The following KIAA1217 variants were observed in gnomAD, a reference collection of about 807,000 sequenced individuals.
KIAA1217 encodes the protein KIAA1217.
In KIAA1217, 88 loss-of-function variants were observed where a neutral mutation model predicts 163.9. The observed-to-expected ratio is 0.54, with a 90% CI of 0.45 to 0.64. The LOEUF (loss-of-function observed/expected upper bound fraction) is 0.64, where lower values mean the gene tolerates loss of function less well. Ranked by LOEUF, KIAA1217 falls within the 30% of genes least tolerant of loss-of-function variation. The pLI, the probability that KIAA1217 is intolerant of heterozygous loss-of-function variation, is 0.00. For missense variants in KIAA1217, 2,372 were observed against 2,475.0 expected (o/e 0.96, Z 0.88); for synonymous variants, 903 against 923.1 (o/e 0.98, Z 0.39).
chr10:24,244,013 G>T (rs1192647868), intron 2 of KIAA1217, among the ~76,000 whole-genome samples: 1 of 152,170 alleles, frequency 6.6e-6, no homozygotes, highest in Non-Finnish European at 1.5e-5. Context: ...GAAGTCTCCT[G>T]CCTGGATTCG....
chr10:24,495,865 A>G (rs983234191), intron 8 of KIAA1217, among the ~76,000 whole-genome samples: 4 of 152,208 alleles, frequency 2.6e-5, no homozygotes, highest in Non-Finnish European at 5.9e-5. Flanking sequence ...ATGACAGATG[A>G]CAAGGCCTGC....
intron 2 of KIAA1217, among the ~76,000 whole-genome samples, chr10:24,053,888 G>A (rs1035206254): frequency 6.6e-6 from 1 of 152,148 alleles, no homozygotes; most frequent in African/African-American, 2.4e-5. Flanking sequence ...GAGAAAGGAA[G>A]CATCATAATA....
chr10:23,812,578 A>C (rs1272792365), intron 1 of KIAA1217, among the ~76,000 whole-genome samples: 1 of 152,178 alleles, frequency 6.6e-6, no homozygotes, highest in African/African-American at 2.4e-5. Context: ...ACAATTCAGT[A>C]GTTTTTGGTG....
intron 1 of KIAA1217, among the ~76,000 whole-genome samples, chr10:23,737,340 A>G (rs1201061965): frequency 6.6e-6 from 1 of 151,752 alleles, no homozygotes; most frequent in African/African-American, 2.4e-5. Context: ...CTGGGACTAC[A>G]GGTGCGCACC....
intron 1 of KIAA1217, among the ~76,000 whole-genome samples, chr10:23,918,339 G>A (rs923243843): frequency 6.6e-6 from 1 of 151,992 alleles, no homozygotes; most frequent in African/African-American, 2.4e-5. Context: ...CAAAACAAGA[G>A]GCTAATGAGA....
chr10:24,307,772 C>T (rs1002337185), intron 2 of KIAA1217, among the ~76,000 whole-genome samples: 1 of 152,064 alleles, frequency 6.6e-6, no homozygotes, highest in Non-Finnish European at 1.5e-5. Context: ...CAGAGTGAGA[C>T]CTTGTCTCAA....
chr10:23,878,635 G>A (rs1163999558), intron 1 of KIAA1217, among the ~76,000 whole-genome samples: 2 of 151,904 alleles, frequency 1.3e-5, no homozygotes, highest in Non-Finnish European at 2.9e-5. Context: ...GCAGTGATGA[G>A]GAGAGGGTGC....
chr10:24,324,361 GT>G (rs1412336214), intron 2 of KIAA1217, among the ~76,000 whole-genome samples: 1 of 152,142 alleles, frequency 6.6e-6, no homozygotes, highest in African/African-American at 2.4e-5. Context: ...GAGGTCAGGA[GT>G]TTAAGACCAG....
At chr10:24,528,269 C>T in intron 14 of KIAA1217, 150 bp downstream of exon 14, 1 of 610,582 alleles carries the variant, frequency 1.6e-6, no homozygotes, top group South Asian at 2.6e-5. Context: ...AGCAAATCCT[C>T]TGGTGTTCCT....
chr10:23,953,958 G>C (rs1435751758), intron 1 of KIAA1217, among the ~76,000 whole-genome samples: 1 of 152,060 alleles, frequency 6.6e-6, no homozygotes, highest in African/African-American at 2.4e-5. Flanking sequence ...ACAATTTCTA[G>C]AGTATCAAGA....
In KIAA1217 at chr10:24,041,958, G is replaced by A. The variant is rs575745519; in HGVS notation, c.-171+34584G>A. On this transcript the variant is annotated intron_variant, in intron 2 of 18. Transcript: ENST00000376462. ...AAGGGAGTATCGTGTGTGTGTGTGT[G>A]TGTGCGTTTCATATTCCCTATTGCA... 2.0e-5 allele frequency among the ~76,000 whole-genome samples: 3 copies of A among 152,180 alleles called. No individual in the cohort carries two copies. In the East Asian group the frequency reaches 5.8e-4, roughly 29 times the overall value.
At chr10:23,987,752 C>G (rs1230285918) in intron 1 of KIAA1217, among the ~76,000 whole-genome samples, 2 of 152,114 alleles carry the variant, frequency 1.3e-5, no homozygotes, top group Non-Finnish European at 2.9e-5. Flanking sequence ...GTATTCCTAT[C>G]TAGCTGCAAG....
At chr10:24,082,133 T>C (rs1204964182) in intron 2 of KIAA1217, among the ~76,000 whole-genome samples, 4 of 152,222 alleles carry the variant, frequency 2.6e-5, no homozygotes, top group Admixed American at 2.0e-4. Context: ...TGGTTAGGAA[T>C]GACTGATGGC....
chr10:24,287,027 G>A (rs2078608807), intron 2 of KIAA1217, among the ~76,000 whole-genome samples: 1 of 152,038 alleles, frequency 6.6e-6, no homozygotes, highest in African/African-American at 2.4e-5. Context: ...CCTCTCAGAA[G>A]CTGTTCTCAC....
At chr10:23,775,546 C>T (rs1401385780) in intron 1 of KIAA1217, among the ~76,000 whole-genome samples, 1 of 152,118 alleles carries the variant, frequency 6.6e-6, no homozygotes, top group East Asian at 1.9e-4. Flanking sequence ...TTTGTCACTC[C>T]TCCGTCCCCA....
chr10:23,975,195 A>G (rs548614095), intron 1 of KIAA1217, among the ~76,000 whole-genome samples: 1 of 152,320 alleles, frequency 6.6e-6, no homozygotes, highest in South Asian at 2.1e-4. Flanking sequence ...AGAGGCAGAT[A>G]CTATTTTTAT....
At chr10:24,434,033 T>C (rs1039971656) in intron 4 of KIAA1217, among the ~76,000 whole-genome samples, 15 of 130,650 alleles carry the variant, frequency 1.1e-4, no homozygotes, top group Admixed American at 1.1e-3. Context: ...CTCTTTTTTT[T>C]TTTTTTTTTT....
At chr10:24,251,327 G>A in intron 2 of KIAA1217, among the ~76,000 whole-genome samples, 1 of 147,276 alleles carries the variant, frequency 6.8e-6, no homozygotes. Flanking sequence ...TTGAGCTTGG[G>A]AGATCAAGGC....
chr10:23,984,767 T>A (rs11818033), intron 1 of KIAA1217, among the ~76,000 whole-genome samples: 1 of 141,920 alleles, frequency 7.0e-6, no homozygotes, highest in Non-Finnish European at 1.5e-5. Context: ...TGTCAGGGGT[T>A]GGGGGCAAGG....
Sources: gnomAD v4.1 joint callset for allele counts (sites outside exome capture counted in the v4.1 genomes callset) on GRCh38, gnomAD v4.1.1 for gene constraint, MANE v1.5 for transcripts, NCBI Gene and HGNC (gene_info 2026-07-23, HGNC 2026-07-21) for gene names.